Variants in DARS1 observed in about 807,000 individuals in gnomAD.
DARS1 encodes the protein aspartyl-tRNA synthetase 1.
In DARS1, 51 loss-of-function variants were observed where a neutral mutation model predicts 68.8. The ratio of observed to expected loss-of-function variants is 0.74; its 90% CI spans 0.59 to 0.94. The LOEUF is 0.94. Ranked by LOEUF, DARS1 falls within the 40% of genes least tolerant of loss-of-function variation. The pLI is 0.00. For synonymous variants in DARS1, 203 were observed against 190.4 expected (o/e 1.07, Z -0.55); for missense variants, 607 against 597.3 (o/e 1.02, Z -0.17).
chr2:135,916,587 A>C (rs1035821541), intron 10 of DARS1, among the ~76,000 whole-genome samples: 13 of 152,170 alleles, frequency 8.5e-5, no homozygotes, highest in African/African-American at 2.9e-4. Context: ...AAAGGATTAA[A>C]AATTTTCTTT....
chr2:135,957,412 A>T (rs1682001823), intron 4 of DARS1, among the ~76,000 whole-genome samples: 1 of 152,032 alleles, frequency 6.6e-6, no homozygotes. Context: ...TATTTTTAGT[A>T]GAGACGGGTG....
chr2:135,953,374 T>A (rs995871861), intron 4 of DARS1, among the ~76,000 whole-genome samples: 1 of 152,200 alleles, frequency 6.6e-6, no homozygotes. Flanking sequence ...AAAGATAAAT[T>A]CTTATTTTAA....
chr2:135,962,647 T>C (rs1682126149), intron 3 of DARS1, among the ~76,000 whole-genome samples: 1 of 152,232 alleles, frequency 6.6e-6, no homozygotes. Context: ...TAGAGTCATA[T>C]ATGATTGGCA....
In DARS1 at chr2:135,907,059, A is replaced by G; in HGVS notation, c.*257T>C. 4.1e-6 allele frequency: 1 copy of G among 245,712 alleles called. No homozygotes were observed. Among genetic ancestry groups the G allele is most frequent in the Non-Finnish European group, 7.8e-6 (1 of 127,648 alleles). 15.2% of individuals were successfully genotyped at this position (245,712 alleles called of 1,614,324 possible). A position where few individuals can be genotyped will look rare whatever the true frequency, so the allele number is the denominator to read the frequency against. On this transcript the variant is annotated 3_prime_UTR_variant, in exon 16 of 16. Transcript: ENST00000264161. ...GTAACATAACCATATGAATTTCTCA[A>G]GTTATTTCCTACTGATGCATGTCTG...
Position 135,961,620 on chromosome 2 carries a change from G to C in DARS1, c.218-122C>G, listed in dbSNP as rs1004068075. ...TTTACTATACTCATCAGGCACGCAT[G>C]CATGTGTATACTATCCATTTGGCTT... On this transcript the variant is annotated intron_variant, in intron 3 of 15. Transcript: ENST00000264161. 1.5e-5 allele frequency: 10 copies of C among 662,512 alleles called. No individual in the cohort carries two copies. In the Admixed American group the frequency reaches 1.6e-4, roughly 11 times the overall value. The allele number at this position is 662,512 out of a possible 1,614,324, so 41.0% of individuals were successfully genotyped here. A position where few individuals can be genotyped will look rare whatever the true frequency, so the allele number is the denominator to read the frequency against.
At chr2:135,910,955 GA>G (rs1042367232) in intron 15 of DARS1, 183 bp downstream of exon 15, 58 of 495,410 alleles carry the variant, frequency 1.2e-4, no homozygotes, top group Admixed American at 2.7e-4. Context: ...ATTCTTAAGA[GA>G]AAAAAAATGG....
chr2:135,949,798 T>C (rs187463629), intron 4 of DARS1, among the ~76,000 whole-genome samples: 1 of 152,344 alleles, frequency 6.6e-6, no homozygotes, highest in African/African-American at 2.4e-5. Flanking sequence ...ATGAATTGGA[T>C]ATTCCTAAGA....
chr2:135,908,751 T>C (rs1279134178), intron 15 of DARS1, among the ~76,000 whole-genome samples: 1 of 152,222 alleles, frequency 6.6e-6, no homozygotes, highest in Non-Finnish European at 1.5e-5. Context: ...GCCCACTTTT[T>C]AATGGGGTTG....
At chr2:135,931,772 T>C (rs1681353554) in intron 7 of DARS1, among the ~76,000 whole-genome samples, 1 of 152,040 alleles carries the variant, frequency 6.6e-6, no homozygotes, top group South Asian at 2.1e-4. Flanking sequence ...TGTTCCAGAT[T>C]CTCCTCTTTT....
intron 2 of DARS1, among the ~76,000 whole-genome samples, chr2:135,980,918 C>T (rs1447806602): frequency 2.0e-5 from 3 of 152,140 alleles, no homozygotes; most frequent in East Asian, 1.9e-4. Context: ...TTAATACACC[C>T]GAACATACCC....
At chr2:135,985,347 G>A (rs910024622) in intron 1 of DARS1, 56 bp downstream of exon 1, 3 of 1,586,056 alleles carry the variant, frequency 1.9e-6, no homozygotes, top group East Asian at 2.2e-5. Flanking sequence ...TCCCTCCCTC[G>A]GCGCAGCCCG....
chr2:135,973,074 T>C (rs1682415761), intron 3 of DARS1, among the ~76,000 whole-genome samples: 1 of 152,202 alleles, frequency 6.6e-6, no homozygotes, highest in South Asian at 2.1e-4. Flanking sequence ...CTGTTGGGTA[T>C]ATACCCAAAA....
intron 11 of DARS1, chr2:135,914,749 A>G (rs1327755638): frequency 7.1e-6 from 3 of 421,066 alleles, no homozygotes; most frequent in Non-Finnish European, 1.3e-5. Context: ...AAAGCAATAA[A>G]CAGAATATAG....
chr2:135,957,778 A>C (rs1352081488), intron 4 of DARS1, among the ~76,000 whole-genome samples: 1 of 152,200 alleles, frequency 6.6e-6, no homozygotes, highest in Non-Finnish European at 1.5e-5. Flanking sequence ...AAACCCCATT[A>C]ATCACTTAAA....
chr2:135,961,386 G>A lies in DARS1; in HGVS notation c.320+10C>T, dbSNP rs1469176074. 6 of 1,143,222 alleles carry A rather than the reference G, an allele frequency of 5.2e-6. No homozygotes were observed. The highest frequency in any genetic ancestry group is 1.5e-5 in the African/African-American group (1 of 66,248). The allele number at this position is 1,143,222 out of a possible 1,614,324, so 70.8% of individuals were successfully genotyped here. On this transcript the variant is annotated intron_variant, in intron 4 of 15. Coordinates refer to ENST00000264161, the MANE Select transcript of DARS1 (RefSeq NM_001349.4). ...TTTATTCTGACAACAGGATATAATT[G>A]CTTACTTACTTGGCAGCAAATTTAA...
At chr2:135,967,457 G>T (rs1682262530) in intron 3 of DARS1, among the ~76,000 whole-genome samples, 1 of 152,130 alleles carries the variant, frequency 6.6e-6, no homozygotes, top group Admixed American at 6.5e-5. Flanking sequence ...TCAATATGCA[G>T]ACTTATGCTC....
chr2:135,918,388 G>A (rs537108361), intron 10 of DARS1, among the ~76,000 whole-genome samples: 14 of 151,784 alleles, frequency 9.2e-5, no homozygotes, highest in Non-Finnish European at 4.4e-5. Flanking sequence ...ACATACAATA[G>A]AATACAAATA....
chr2:135,963,820 C>T (rs566934338), intron 3 of DARS1, among the ~76,000 whole-genome samples: 7 of 151,894 alleles, frequency 4.6e-5, no homozygotes. Context: ...GCTGGGACTA[C>T]AAGTGCCTAC....
chr2:135,920,615 A>G lies in DARS1; in HGVS notation c.812-15T>C, dbSNP rs186815326. ...CGCTCTGAATACTGTGAAGTTAATA[A>G]AAGAAATAGAGAGCAAACACTGATT... On this transcript the variant is annotated splice_polypyrimidine_tract_variant and intron_variant, in intron 9 of 15. Transcript: ENST00000264161. The G allele has an allele frequency of 5.1e-5, 80 of 1,569,730 alleles. No homozygotes were observed. The highest frequency in any genetic ancestry group is 3.9e-5 in the Non-Finnish European group (45 of 1,163,374).
Sources: gnomAD v4.1 joint callset for allele counts (sites outside exome capture counted in the v4.1 genomes callset) on GRCh38, gnomAD v4.1.1 for gene constraint, MANE v1.5 for transcripts, NCBI Gene and HGNC (gene_info 2026-07-23, HGNC 2026-07-21) for gene names.